ATAD5: variants seen among roughly 807,000 people sequenced by gnomAD.
The protein encoded by ATAD5 is ATPase family AAA domain containing 5, also known as ATPase family AAA domain-containing protein 5.
In ATAD5, 58 loss-of-function variants were observed where a neutral mutation model predicts 176.9. The ratio of observed to expected loss-of-function variants is 0.33; its 90% confidence interval spans 0.27 to 0.41. The LOEUF is 0.41. Ranked by LOEUF, ATAD5 falls within the 10% of genes least tolerant of loss-of-function variation. The probability of loss-of-function intolerance (pLI) is 1.00; values close to 1 mark genes in which losing one functional copy is unlikely to be tolerated. For missense variants in ATAD5, 1,789 were observed against 2,094.1 expected (o/e 0.85, Z 2.84); for synonymous variants, 640 against 712.6 (o/e 0.90, Z 1.62).
chr17:30,835,508 A>G lies in ATAD5; in HGVS notation c.1427A>G (p.Lys476Arg), dbSNP rs1905670143. ...GGAAGTTTTCTGAAGGAGAAAAATA[A>G]AAAGCTAAAGAAGAAGAATAAGAAA... is the stretch of plus-strand genomic sequence containing the variant. ...DKGSFLKEKN[K>R]KLKKKNKKTL... Residue 476 changes from lysine (K) to arginine (R), a missense_variant, in exon 2 of 23, where the codon AAA (lysine) becomes AGA (arginine). Lys to Arg is a conservative substitution (Grantham distance 26, BLOSUM62 2). Coordinates refer to ENST00000321990, the MANE Select transcript of ATAD5 (RefSeq NM_024857.5). 6.2e-7 allele frequency: 1 copy of G among 1,606,818 alleles called. No individual in the cohort carries two copies. Among genetic ancestry groups the G allele is most frequent in the South Asian group, 1.1e-5 (1 of 88,088 alleles).
At chr17:30,855,518 C>T (rs1026315883) in intron 7 of ATAD5, among the ~76,000 whole-genome samples, 191 bp downstream of exon 7, 2 of 151,972 alleles carry the variant, frequency 1.3e-5, no homozygotes, top group African/African-American at 4.8e-5. Flanking sequence ...GATACTAGCA[C>T]TCATGGATGC....
In ATAD5 at chr17:30,835,445, T is replaced by A; in HGVS notation, c.1364T>A (p.Val455Asp). The change falls in exon 2 of 23, where the codon GTT becomes GAT. Residue 455 changes from valine to aspartate, a missense_variant. Val to Asp is a radical substitution (Grantham distance 152). Around this residue, in one of 6 missense-constraint regions of ATAD5, gnomAD observed 696 missense variants for 712.5 expected, o/e 0.98. Transcript: ENST00000321990. ...ATGGAAAATTCTGGTATCCAAATGG[T>A]TTCAAAAAATGGCAATTTACAGTTA... is the stretch of plus-strand genomic sequence containing the variant. ...KIMENSGIQM[V>D]SKNGNLQLHT... is the part of the protein sequence containing the mutation. 6.2e-7 allele frequency: 1 copy of A among 1,611,396 alleles called. No individual in the cohort carries two copies. Among genetic ancestry groups the A allele is most frequent in the Non-Finnish European group, 8.5e-7 (1 of 1,179,350 alleles).
At chr17:30,840,493 G>T in intron 3 of ATAD5, 124 bp from the exon 4 acceptor site, 1 of 698,740 alleles carries the variant, frequency 1.4e-6, no homozygotes, top group Non-Finnish European at 2.1e-6. Flanking sequence ...TAAGGCCCCT[G>T]GTAAGATTTG....
chr17:30,878,638 C>T (rs543003633), intron 17 of ATAD5, among the ~76,000 whole-genome samples: 3 of 146,700 alleles, frequency 2.0e-5, no homozygotes, highest in South Asian at 4.3e-4. Context: ...CTAGTCTCTA[C>T]TTACAAATTA....
chr17:30,850,718 AAT>A (rs1215426285), intron 6 of ATAD5, among the ~76,000 whole-genome samples: 1 of 150,628 alleles, frequency 6.6e-6, no homozygotes, highest in African/African-American at 2.4e-5. Flanking sequence ...AGGAAAGAAG[AAT>A]ATATAAAAGG....
intron 10 of ATAD5, chr17:30,862,926 C>T (rs2142379414): frequency 6.6e-6 from 1 of 152,068 alleles, no homozygotes; most frequent in Non-Finnish European, 1.5e-5. Context: ...CACCATGGCT[C>T]ATCCCTATAA....
chr17:30,871,169 T>C (rs1414660132), intron 14 of ATAD5, among the ~76,000 whole-genome samples: 1 of 148,278 alleles, frequency 6.7e-6, no homozygotes, highest in East Asian at 2.0e-4. Context: ...CTGTAGTATC[T>C]AGTATGCTGT....
rs571252552 is a variant in ATAD5, at chr17:30,832,105, C to G, written c.-243C>G. 1 of 393,084 alleles carries G rather than the reference C, an allele frequency of 2.5e-6. No individual in the cohort carries two copies. Among genetic ancestry groups the G allele is most frequent in the East Asian group, 3.7e-5 (1 of 27,236 alleles). The allele number at this position is 393,084 out of a possible 1,614,324, so 24.3% of individuals were successfully genotyped here. A position where few individuals can be genotyped will look rare whatever the true frequency, so the allele number is the denominator to read the frequency against. On this transcript the variant is annotated 5_prime_UTR_variant, in exon 1 of 23. Coordinates refer to ENST00000321990, the MANE Select transcript of ATAD5 (RefSeq NM_024857.5). Reference sequence around the variant, plus strand: ...CGCTTTCGAGGGCACCCTGCATACACTGGCCGCGCCTCAGGGATCTCATTG... The same window carrying G: ...CGCTTTCGAGGGCACCCTGCATACAGTGGCCGCGCCTCAGGGATCTCATTG...
intron 19 of ATAD5, among the ~76,000 whole-genome samples, chr17:30,889,650 C>T (rs1909516576): frequency 6.6e-6 from 1 of 151,574 alleles, no homozygotes; most frequent in South Asian, 2.1e-4. Flanking sequence ...AGTACCTTCT[C>T]CATGCCAGGT....
At position 30,894,641 on chromosome 17, in the gene ATAD5, C is replaced by A; in HGVS notation, c.5375C>A (p.Ala1792Asp). 1 of 1,613,224 alleles carries A rather than the reference C, an allele frequency of 6.2e-7. No individual in the cohort carries two copies. The highest frequency in any genetic ancestry group is 8.5e-7 in the Non-Finnish European group (1 of 1,179,518). ...CTTCTCTATGTGGGTAATAGACAAGCTAGTATAATTGAATACCTGCCAACC... is the reference window on the plus strand; with the variant it reads ...CTTCTCTATGTGGGTAATAGACAAGATAGTATAATTGAATACCTGCCAACC... ...RSLLYVGNRQ[A>D]SIIEYLPTLR... The change falls in exon 22 of 23, where the codon GCT becomes GAT. Residue 1792 changes from alanine to aspartate, a missense_variant. Ala to Asp is a moderately radical substitution (Grantham distance 126). Around this residue, in one of 6 missense-constraint regions of ATAD5, gnomAD observed 403 missense variants for 495.1 expected, o/e 0.81. Transcript: ENST00000321990.
At chr17:30,880,659 G>A (rs1908960367) in intron 18 of ATAD5, among the ~76,000 whole-genome samples, 4 of 151,482 alleles carry the variant, frequency 2.6e-5, no homozygotes, top group South Asian at 2.1e-4. Flanking sequence ...GGTTTCTAAG[G>A]AATATGTTAA....
chr17:30,849,171 A>G (rs138636494), intron 6 of ATAD5, among the ~76,000 whole-genome samples: 2 of 152,264 alleles, frequency 1.3e-5, no homozygotes, highest in East Asian at 3.9e-4. Context: ...GTGCCTGGCT[A>G]TATTTTTGCT....
chr17:30,844,816 A>T lies in ATAD5; in HGVS notation c.2369-19A>T. The T allele has an allele frequency of 6.5e-7, 1 of 1,545,906 alleles. No homozygotes were observed. The highest frequency in any genetic ancestry group is 1.9e-5 in the Admixed American group (1 of 53,488). On this transcript the variant is annotated intron_variant, in intron 5 of 22. Coordinates refer to ENST00000321990, the MANE Select transcript of ATAD5 (RefSeq NM_024857.5). ...AGATGGTAAACATTGATACTAACCC[A>T]AGTATTTATTTTTCTAAGGAAAAAT...
At position 30,895,295 on chromosome 17, in the gene ATAD5, C is replaced by G. The variant is rs573140055; in HGVS notation, c.*382C>G. The G allele has an allele frequency of 1.3e-5, 2 of 155,398 alleles. No individual in the cohort carries two copies. The highest frequency in any genetic ancestry group is 4.1e-4 in the South Asian group (2 of 4,876). The allele number at this position is 155,398 out of a possible 1,614,324, so 9.6% of individuals were successfully genotyped here. ...AGTGTCACTAAAGTTGGTATACAAT[C>G]TCCCACTGCTAAATTTGACTGGCTT... is the stretch of plus-strand genomic sequence containing the variant. On this transcript the variant is annotated 3_prime_UTR_variant, in exon 23 of 23. Transcript: ENST00000321990.
rs1491505783 is a variant in ATAD5, at chr17:30,866,184, AAT to A, written c.3233+385_3233+386del. ...ACCTTTACACTTAGTAGAATTTACA[AAT>A]TTTTTTTTTTTTTTTTTTTTTTTTT... On this transcript the variant is annotated intron_variant, in intron 11 of 22. Transcript: ENST00000321990. Among the ~76,000 whole-genome samples, 13 of 137,738 alleles carry A rather than the reference AAT, an allele frequency of 9.4e-5. 1 individual carries two copies. The highest frequency in any genetic ancestry group is 1.2e-4 in the Non-Finnish European group (8 of 65,050). The allele number at this position is 137,738 out of a possible 152,430, so 90.4% of individuals were successfully genotyped here.
At position 30,894,559 on chromosome 17, in the gene ATAD5, T is replaced by C; in HGVS notation, c.5298-5T>C. ...AAAATTAAAAACAATGCATTACTTT[T>C]ACAGCAATGCTTGGAAGAGGATATC... is the stretch of plus-strand genomic sequence containing the variant. On this transcript the variant is annotated splice_region_variant and splice_polypyrimidine_tract_variant and intron_variant, in intron 21 of 22. Transcript: ENST00000321990. 6.3e-7 allele frequency: 1 copy of C among 1,592,750 alleles called. No homozygotes were observed. The highest frequency in any genetic ancestry group is 8.5e-7 in the Non-Finnish European group (1 of 1,173,840).
At position 30,859,758 on chromosome 17, in the gene ATAD5, G is replaced by A. The variant is rs569599319; in HGVS notation, c.2957-675G>A. On this transcript the variant is annotated intron_variant, in intron 9 of 22. Transcript: ENST00000321990. ...ATTTATTTTTATTTTTTGAGACGGC[G>A]TCTTGCTCTGCCGCCCAGGCAGTGG... 5.0e-4 allele frequency among the ~76,000 whole-genome samples: 72 copies of A among 144,118 alleles called. 5 individuals are homozygous for A. The highest frequency in any genetic ancestry group is 3.1e-3 in the Admixed American group (43 of 13,822). 94.5% of individuals were successfully genotyped at this position (144,118 alleles called of 152,430 possible). A position where few individuals can be genotyped will look rare whatever the true frequency, so the allele number is the denominator to read the frequency against.
Position 30,835,713 on chromosome 17 carries a change from A to G in ATAD5, c.1632A>G (p.Ile544Met). ...FNNESLVYED[I>M]ANDDLLKVSS... ...ATGAAAGTCTTGTTTATGAAGATAT[A>G]GCAAATGATGACCTTCTAAAGGTTT... The change falls in exon 2 of 23, where the codon ATA becomes ATG. Residue 544 changes from isoleucine to methionine, a missense_variant. By Grantham distance (10) the Ile-to-Met change is conservative. Coordinates refer to ENST00000321990, the MANE Select transcript of ATAD5 (RefSeq NM_024857.5). 1 of 1,610,144 alleles carries G rather than the reference A, an allele frequency of 6.2e-7. No individual in the cohort carries two copies. The highest frequency in any genetic ancestry group is 8.5e-7 in the Non-Finnish European group (1 of 1,178,916).
intron 18 of ATAD5, among the ~76,000 whole-genome samples, chr17:30,886,258 CTT>C (rs1909317512): frequency 6.8e-6 from 1 of 148,138 alleles, no homozygotes; most frequent in Non-Finnish European, 1.5e-5. Context: ...GTTTCCTTCT[CTT>C]TTTTCTAAGA....
Sources: gnomAD v4.1 joint callset for allele counts (sites outside exome capture counted in the v4.1 genomes callset) on GRCh38, gnomAD v4.1.1 for gene constraint, gnomAD v4.1.1 regional missense constraint, MANE v1.5 for transcripts, NCBI Gene and HGNC (gene_info 2026-07-23, HGNC 2026-07-21) for gene names.